PLXDC2: variants seen among roughly 807,000 people sequenced by gnomAD.
PLXDC2 encodes plexin domain containing 2, also known as plexin domain-containing protein 2.
In PLXDC2, 40 loss-of-function variants were observed where a neutral mutation model predicts 68.9. The ratio of observed to expected loss-of-function variants is 0.58; its 90% CI spans 0.45 to 0.76. The LOEUF (loss-of-function observed/expected upper bound fraction) is 0.76, where lower values mean the gene tolerates loss of function less well. PLXDC2 is among the 30% of genes least tolerant of loss of function. PLXDC2 has a pLI of 0.00. For synonymous variants in PLXDC2, 243 were observed against 234.2 expected (o/e 1.04, Z -0.34); for missense variants, 644 against 661.9 (o/e 0.97, Z 0.30).
intron 4 of PLXDC2, among the ~76,000 whole-genome samples, chr10:20,116,996 A>T (rs576869916): frequency 1.3e-5 from 2 of 152,114 alleles, no homozygotes; most frequent in Non-Finnish European, 2.9e-5. Flanking sequence ...TGGAAGAAAA[A>T]ATATATTCTC....
In PLXDC2 at chr10:19,891,831, C is replaced by T. The variant is rs115143578; in HGVS notation, c.112+74640C>T. On this transcript the variant is annotated intron_variant, in intron 1 of 13. Transcript: ENST00000377252. The stretch of plus-strand genomic sequence containing the variant: ...TTCAAATTCTCAACAAAGCCAAAGC[C>T]AAATAATATTACATGTGAAATTGCT... Among the ~76,000 whole-genome samples, 401 of 152,258 alleles carry T rather than the reference C, an allele frequency of 2.6e-3. 1 individual carries two copies. The highest frequency in any genetic ancestry group is 9.1e-3 in the African/African-American group (380 of 41,548).
At chr10:19,869,960 G>T (rs75931673) in intron 1 of PLXDC2, among the ~76,000 whole-genome samples, 81 of 152,224 alleles carry the variant, frequency 5.3e-4, no homozygotes, top group East Asian at 3.7e-3. Context: ...CTTTGATGTT[G>T]TTTTATAAAA....
intron 1 of PLXDC2, among the ~76,000 whole-genome samples, chr10:19,840,649 T>C (rs930481954): frequency 6.6e-6 from 1 of 152,176 alleles, no homozygotes; most frequent in African/African-American, 2.4e-5. Context: ...TATACATTCT[T>C]ATTTCATCAA....
intron 4 of PLXDC2, among the ~76,000 whole-genome samples, chr10:20,105,054 A>C (rs1159402913): frequency 6.7e-6 from 1 of 149,556 alleles, no homozygotes; most frequent in Non-Finnish European, 1.5e-5. Context: ...CATCCAAAAA[A>C]AAAAAAAAAA....
intron 4 of PLXDC2, among the ~76,000 whole-genome samples, chr10:20,068,534 G>A (rs1342012384): frequency 6.6e-6 from 1 of 150,724 alleles, no homozygotes; most frequent in East Asian, 1.9e-4. Context: ...AATTGGAATA[G>A]AGATAGAAGG....
chr10:19,827,330 C>T (rs552570570), intron 1 of PLXDC2, among the ~76,000 whole-genome samples: 24 of 152,144 alleles, frequency 1.6e-4, no homozygotes, highest in South Asian at 1.0e-3. Flanking sequence ...TCTTGCTCTT[C>T]AGAAGCTGGC....
At chr10:20,157,241 G>A (rs189765267) in intron 6 of PLXDC2, among the ~76,000 whole-genome samples, 6 of 152,306 alleles carry the variant, frequency 3.9e-5, no homozygotes, top group Admixed American at 3.3e-4. Context: ...TGTTGTTGCT[G>A]TTGTTTTTAA....
chr10:20,196,752 G>A (rs1338214186), intron 9 of PLXDC2, among the ~76,000 whole-genome samples: 2 of 152,126 alleles, frequency 1.3e-5, no homozygotes, highest in Non-Finnish European at 2.9e-5. Context: ...TGTGAAAATT[G>A]TATAACAGAC....
At chr10:20,150,577 T>G (rs1318813795) in intron 6 of PLXDC2, among the ~76,000 whole-genome samples, 2 of 152,216 alleles carry the variant, frequency 1.3e-5, no homozygotes, top group Non-Finnish European at 2.9e-5. Flanking sequence ...TGCAATCTAG[T>G]ATATTGCTGT....
At chr10:20,230,445 A>G (rs911256139) in intron 12 of PLXDC2, among the ~76,000 whole-genome samples, 1 of 152,030 alleles carries the variant, frequency 6.6e-6, no homozygotes, top group Non-Finnish European at 1.5e-5. Flanking sequence ...CGAGGAGGGC[A>G]GATTGTTTGG....
chr10:19,869,752 C>G (rs950650213), intron 1 of PLXDC2, among the ~76,000 whole-genome samples: 53 of 151,972 alleles, frequency 3.5e-4, no homozygotes, highest in African/African-American at 1.3e-3. Flanking sequence ...ATGCTAGAAC[C>G]ATAGCTATAG....
chr10:20,254,522 A>C (rs549085297), intron 13 of PLXDC2, among the ~76,000 whole-genome samples: 1 of 152,282 alleles, frequency 6.6e-6, no homozygotes, highest in East Asian at 1.9e-4. Flanking sequence ...TCTTAGTCTT[A>C]CTTCAGTTTT....
At chr10:19,834,756 A>G (rs1836759874) in intron 1 of PLXDC2, among the ~76,000 whole-genome samples, 2 of 152,226 alleles carry the variant, frequency 1.3e-5, no homozygotes, top group Non-Finnish European at 2.9e-5. Flanking sequence ...TCACTATACA[A>G]ACATTTGCTA....
chr10:19,931,045 G>T (rs1396874431), intron 1 of PLXDC2, among the ~76,000 whole-genome samples: 2 of 152,202 alleles, frequency 1.3e-5, no homozygotes, highest in Non-Finnish European at 2.9e-5. Flanking sequence ...GCTTTTGTTT[G>T]CTGAATGATG....
At chr10:19,993,543 C>T (rs1390201868) in intron 1 of PLXDC2, among the ~76,000 whole-genome samples, 2 of 152,132 alleles carry the variant, frequency 1.3e-5, no homozygotes, top group East Asian at 1.9e-4. Flanking sequence ...CTTCAGCCTC[C>T]TGAGTAGCTG....
intron 1 of PLXDC2, among the ~76,000 whole-genome samples, chr10:19,928,497 A>G (rs139690448): frequency 1.3e-5 from 2 of 152,312 alleles, no homozygotes; most frequent in Non-Finnish European, 2.9e-5. Flanking sequence ...GTTTATTGCA[A>G]AATTTGGAAA....
chr10:20,131,456 A>G (rs541610542), intron 4 of PLXDC2, among the ~76,000 whole-genome samples: 24 of 152,054 alleles, frequency 1.6e-4, no homozygotes, highest in African/African-American at 5.5e-4. Flanking sequence ...CTGGAGTGCA[A>G]TGGTGCAATC....
At chr10:20,063,267 C>T (rs1265265039) in intron 3 of PLXDC2, among the ~76,000 whole-genome samples, 1 of 152,152 alleles carries the variant, frequency 6.6e-6, no homozygotes, top group Non-Finnish European at 1.5e-5. Flanking sequence ...TACTAATTTT[C>T]TTCCTACAAG....
rs1252447303 is a variant in PLXDC2, at chr10:20,082,064, C to CAAAAAAAAAAAAAAAAAAAAAA, written c.541+13837_541+13838insAAAAAAAAAAAAAAAAAAAAAA. On this transcript the variant is annotated intron_variant, in intron 4 of 13. Transcript: ENST00000377252. ...CCATCTGAAAAAAAAAAAAAAAAAT[C>CAAAAAAAAAAAAAAAAAAAAAA]AAAAAAAAAAAACAGGAGAAGTCTG... Among the ~76,000 whole-genome samples the CAAAAAAAAAAAAAAAAAAAAAA allele has an allele frequency of 8.6e-5, 6 of 70,158 alleles. 1 individual carries two copies. The highest frequency in any genetic ancestry group is 2.9e-4 in the African/African-American group (5 of 17,458). The allele number at this position is 70,158 out of a possible 152,430, so 46.0% of individuals were successfully genotyped here. A position where few individuals can be genotyped will look rare whatever the true frequency, so the allele number is the denominator to read the frequency against.
Sources: allele counts gnomAD v4.1 joint callset (sites outside exome capture counted in the v4.1 genomes callset), GRCh38; gene constraint gnomAD v4.1.1; transcripts MANE v1.5; gene names NCBI Gene and HGNC (gene_info 2026-07-23, HGNC 2026-07-21).